ANKMY1: variants seen among roughly 807,000 people sequenced by gnomAD.
The protein encoded by ANKMY1 is ankyrin repeat and MYND domain-containing protein 1.
In ANKMY1, 98 loss-of-function variants were observed where a neutral mutation model predicts 102.0. The observed-to-expected ratio is 0.96, with a 90% CI of 0.82 to 1.14. The LOEUF is 1.14. ANKMY1 is among the 50% of genes most tolerant of loss of function. The pLI, the probability that ANKMY1 is intolerant of heterozygous loss-of-function variation, is 0.00. For missense variants in ANKMY1, 1,330 were observed against 1,347.6 expected, an observed-to-expected ratio of 0.99 and a Z score of 0.20; for synonymous variants, 582 against 559.9, an observed-to-expected ratio of 1.04 and a Z score of -0.56.
At chr2:240,559,651 T>C (rs1055565555), upstream of ANKMY1, among the ~76,000 whole-genome samples, 1 of 151,964 alleles carries the variant, frequency 6.6e-6, no homozygotes, top group African/African-American at 2.4e-5. Flanking sequence ...TTCCTTAGGG[T>C]GGAGGAAGTG....
chr2:240,472,954 G>A, the ANKMY1 span, among the ~76,000 whole-genome samples: 10 of 151,670 alleles, frequency 6.6e-5, no homozygotes, highest in South Asian at 4.2e-4. Flanking sequence ...GTGAAACCTC[G>A]TCTCTACTAA....
At chr2:240,472,588 C>T in the ANKMY1 span, among the ~76,000 whole-genome samples, 2 of 152,178 alleles carry the variant, frequency 1.3e-5, no homozygotes, top group African/African-American at 4.8e-5. Context: ...TAGAGGCAGT[C>T]CAGTCTGCCC....
intron 15 of ANKMY1, among the ~76,000 whole-genome samples, chr2:240,485,838 C>A (rs2076001087): frequency 6.6e-6 from 1 of 152,184 alleles, no homozygotes; most frequent in Non-Finnish European, 1.5e-5. Flanking sequence ...AATAATTCTT[C>A]TGCCTTAGCC....
chr2:240,542,692 G>A (rs749531898), intron 4 of ANKMY1, among the ~76,000 whole-genome samples: 8 of 146,844 alleles, frequency 5.4e-5, no homozygotes, highest in African/African-American at 2.0e-4. Flanking sequence ...ATCTGTGTGT[G>A]TGTATACATG....
At chr2:240,491,512 T>A (rs1309170074) in intron 15 of ANKMY1, among the ~76,000 whole-genome samples, 1 of 152,222 alleles carries the variant, frequency 6.6e-6, no homozygotes, top group Non-Finnish European at 1.5e-5. Context: ...TGCCAGTGAC[T>A]TTTATACTTT....
intron 4 of ANKMY1, among the ~76,000 whole-genome samples, chr2:240,545,167 C>T (rs1173297755): frequency 1.3e-4 from 20 of 152,232 alleles, no homozygotes; most frequent in African/African-American, 3.4e-4. Flanking sequence ...GATCTGAGAA[C>T]GGGCAGACTG....
At chr2:240,538,143 C>G (rs1426946609) in intron 4 of ANKMY1, among the ~76,000 whole-genome samples, 1 of 152,254 alleles carries the variant, frequency 6.6e-6, no homozygotes. Flanking sequence ...CTCGCTCACT[C>G]TCGGCGCCTC....
At chr2:240,560,560 G>C (rs1387378787), upstream of ANKMY1, 28 of 1,273,824 alleles carry the variant, frequency 2.2e-5, no homozygotes, top group Non-Finnish European at 2.2e-5. Context: ...GGTCCACCTC[G>C]GAGGCCTCTA....
intron 4 of ANKMY1, among the ~76,000 whole-genome samples, chr2:240,545,010 G>A (rs2090012583): frequency 6.6e-6 from 1 of 152,260 alleles, no homozygotes; most frequent in Non-Finnish European, 1.5e-5. Flanking sequence ...GCCCACCACA[G>A]CTCAAGGAGG....
chr2:240,494,926 C>CA (rs1021997513), intron 15 of ANKMY1, among the ~76,000 whole-genome samples: 1 of 151,926 alleles, frequency 6.6e-6, no homozygotes, highest in African/African-American at 2.4e-5. Context: ...AGATACAGAT[C>CA]ATAGATATGA....
At chr2:240,490,826 T>C (rs534036327) in intron 15 of ANKMY1, among the ~76,000 whole-genome samples, 3 of 152,324 alleles carry the variant, frequency 2.0e-5, no homozygotes, top group South Asian at 4.1e-4. Flanking sequence ...AAATGTTCTG[T>C]AAATGTCTGT....
At chr2:240,518,095 G>T (rs148087990) in intron 9 of ANKMY1, among the ~76,000 whole-genome samples, 1 of 152,134 alleles carries the variant, frequency 6.6e-6, no homozygotes, top group Non-Finnish European at 1.5e-5. Flanking sequence ...ATTGACGAAT[G>T]GGGGGGAAGG....
chr2:240,492,237 C>G (rs2076737553), intron 15 of ANKMY1, among the ~76,000 whole-genome samples: 1 of 152,176 alleles, frequency 6.6e-6, no homozygotes, highest in Non-Finnish European at 1.5e-5. Context: ...AAGCAATCTT[C>G]CCACTTGGCC....
intron 12 of ANKMY1, among the ~76,000 whole-genome samples, chr2:240,508,360 T>A (rs2079477362): frequency 6.6e-6 from 1 of 152,266 alleles, no homozygotes; most frequent in Non-Finnish European, 1.5e-5. Flanking sequence ...ATTGAATGGA[T>A]GACTCCGTGC....
At chr2:240,526,054 G>A in intron 6 of ANKMY1, 175 bp downstream of exon 6, 1 of 964,326 alleles carries the variant, frequency 1.0e-6, no homozygotes, top group Non-Finnish European at 1.6e-6. Flanking sequence ...TGGACCACGA[G>A]TGTCACACTC....
At chr2:240,473,621 A>T in the ANKMY1 span, among the ~76,000 whole-genome samples, 1 of 152,232 alleles carries the variant, frequency 6.6e-6, no homozygotes, top group Admixed American at 6.5e-5. Flanking sequence ...AAGCTTATTT[A>T]AAGAAACAAA....
intron 5 of ANKMY1, 103 bp from the exon 6 acceptor site, chr2:240,526,548 G>A (rs974607282): frequency 1.3e-6 from 2 of 1,534,218 alleles, no homozygotes; most frequent in African/African-American, 2.7e-5. Context: ...CCCTCTTGTG[G>A]CTCAGCCCCC....
At chr2:240,470,079 TG>T in the ANKMY1 span, among the ~76,000 whole-genome samples, 1 of 152,304 alleles carries the variant, frequency 6.6e-6, no homozygotes, top group South Asian at 2.1e-4. Context: ...CACCCGTGGG[TG>T]CACACACTGC....
chr2:240,520,211 C>T lies in ANKMY1; in HGVS notation c.2004+151G>A. 1 of 1,168,218 alleles carries T rather than the reference C, an allele frequency of 8.6e-7. No individual in the cohort carries two copies. The highest frequency in any genetic ancestry group is 1.3e-5 in the South Asian group (1 of 75,530). 72.4% of individuals were successfully genotyped at this position (1,168,218 alleles called of 1,614,324 possible). A position where few individuals can be genotyped will look rare whatever the true frequency, so the allele number is the denominator to read the frequency against. ...TGAAAGAGCGGGCTGTGGGACCCCCCACTGCGGCGCGCCGTCATCACTCAC... is the reference window on the plus strand; with the variant it reads ...TGAAAGAGCGGGCTGTGGGACCCCCTACTGCGGCGCGCCGTCATCACTCAC... On this transcript the variant is annotated intron_variant, in intron 9 of 17. Transcript: ENST00000401804. The surrounding 1 kb of genome is among the most constrained non-coding windows in gnomAD (Gnocchi z 4.8).
Sources: allele counts gnomAD v4.1 joint callset (sites outside exome capture counted in the v4.1 genomes callset), GRCh38; gene constraint gnomAD v4.1.1; non-coding constraint Gnocchi (gnomAD v3.1); transcripts MANE v1.5; gene names NCBI Gene and HGNC (gene_info 2026-07-23, HGNC 2026-07-21).